EPHB1: variants seen among roughly 807,000 people sequenced by gnomAD.
The protein encoded by EPHB1 is ephrin type-B receptor 1.
A neutral mutation model predicts 94.4 loss-of-function variants in EPHB1; 30 were observed. The observed-to-expected ratio is 0.32, with a 90% CI of 0.24 to 0.43. EPHB1 has a LOEUF of 0.43. Ranked by LOEUF, EPHB1 falls within the 20% of genes least tolerant of loss-of-function variation. EPHB1 has a pLI of 1.00. For synonymous variants in EPHB1, 522 were observed against 489.1 expected, an observed-to-expected ratio of 1.07 and a Z score of -0.89; for missense variants, 1,055 against 1,308.3, an observed-to-expected ratio of 0.81 and a Z score of 2.99.
intron 4 of EPHB1, among the ~76,000 whole-genome samples, chr3:135,109,268 A>G (rs751153085): frequency 2.0e-5 from 3 of 152,214 alleles, no homozygotes; most frequent in East Asian, 1.9e-4. Flanking sequence ...GGGCTTTGGC[A>G]CTTCAGAGAC....
chr3:135,036,002 A>G (rs913867622), intron 3 of EPHB1, among the ~76,000 whole-genome samples: 1 of 152,162 alleles, frequency 6.6e-6, no homozygotes, highest in African/African-American at 2.4e-5. Flanking sequence ...TCATTTATCT[A>G]TCTCTCCATT....
chr3:135,220,990 T>C (rs922850021), intron 12 of EPHB1, among the ~76,000 whole-genome samples: 4 of 152,194 alleles, frequency 2.6e-5, no homozygotes, highest in Admixed American at 2.6e-4. Flanking sequence ...GCCCTGTCAT[T>C]TTGAAAACCT....
chr3:135,154,979 TA>T, intron 6 of EPHB1, among the ~76,000 whole-genome samples: 1 of 152,202 alleles, frequency 6.6e-6, no homozygotes. Context: ...CCCAACACAT[TA>T]TTTGTAAAAC....
chr3:134,828,484 G>T (rs1237819959), intron 1 of EPHB1, among the ~76,000 whole-genome samples: 3 of 152,172 alleles, frequency 2.0e-5, no homozygotes, highest in Admixed American at 2.0e-4. Context: ...AAAAATATGT[G>T]TTAATTCCTA....
intron 1 of EPHB1, among the ~76,000 whole-genome samples, chr3:134,891,381 A>T (rs2107685448): frequency 6.6e-6 from 1 of 152,354 alleles, no homozygotes; most frequent in East Asian, 1.9e-4. Flanking sequence ...AAGTGCTGGG[A>T]TTACAGGTGT....
chr3:134,857,060 C>T lies in EPHB1; in HGVS notation c.58+61371C>T, dbSNP rs1448734698. ...TTTGTTGTGGGAATTGAGACCTTCT[C>T]AGGCGACTGGGGTGGGGTGTCGTGG... On this transcript the variant is annotated intron_variant, in intron 1 of 15. Coordinates refer to ENST00000398015, the MANE Select transcript of EPHB1 (RefSeq NM_004441.5). Among the ~76,000 whole-genome samples, 6 of 152,336 alleles carry T rather than the reference C, an allele frequency of 3.9e-5. No homozygotes were observed. In the East Asian group the frequency reaches 1.2e-3, roughly 29 times the overall value.
intron 12 of EPHB1, among the ~76,000 whole-genome samples, chr3:135,203,797 G>A (rs537611541): frequency 6.6e-6 from 1 of 152,150 alleles, no homozygotes; most frequent in Non-Finnish European, 1.5e-5. Flanking sequence ...GTGATCTGGG[G>A]TGTCTTTTGG....
intron 1 of EPHB1, among the ~76,000 whole-genome samples, chr3:134,909,250 C>A (rs772978405): frequency 6.6e-6 from 1 of 152,194 alleles, no homozygotes; most frequent in African/African-American, 2.4e-5. Flanking sequence ...CTGTGGGGGG[C>A]CTTTCAGGAA....
At chr3:134,952,341 ATCTCTCTCTCT>A (rs1225306161) in intron 3 of EPHB1, among the ~76,000 whole-genome samples, 35 of 148,878 alleles carry the variant, frequency 2.4e-4, no homozygotes, top group Middle Eastern at 3.4e-3. Flanking sequence ...TGTTGAATTT[ATCTCTCTCTCT>A]TCTCTCTCTC....
intron 1 of EPHB1, among the ~76,000 whole-genome samples, chr3:134,903,002 G>A (rs2038234356): frequency 6.6e-6 from 1 of 152,198 alleles, no homozygotes; most frequent in African/African-American, 2.4e-5. Context: ...ATGGAGTTAG[G>A]GCACCCTGGC....
intron 1 of EPHB1, among the ~76,000 whole-genome samples, chr3:134,908,843 A>C (rs189804558): frequency 1.3e-5 from 2 of 152,242 alleles, no homozygotes; most frequent in African/African-American, 4.8e-5. Context: ...GGTCCTGCAC[A>C]TGGATTCTGC....
intron 1 of EPHB1, among the ~76,000 whole-genome samples, chr3:134,883,032 C>T (rs9681274): frequency 3.0e-4 from 45 of 152,078 alleles, no homozygotes; most frequent in African/African-American, 1.1e-3. Flanking sequence ...CCGTGTTAGC[C>T]AGGATGGTCT....
intron 12 of EPHB1, among the ~76,000 whole-genome samples, chr3:135,205,230 A>C (rs952794036): frequency 6.6e-6 from 1 of 152,150 alleles, no homozygotes; most frequent in South Asian, 2.1e-4. Context: ...ATCTTTTCAC[A>C]TGGTGCAGGG....
intron 2 of EPHB1, among the ~76,000 whole-genome samples, chr3:134,942,910 G>C (rs1265524340): frequency 1.3e-5 from 2 of 152,222 alleles, no homozygotes; most frequent in African/African-American, 4.8e-5. Context: ...AGTCACACAA[G>C]TGAAGCAATT....
At chr3:135,222,441 A>G (rs1243209188) in intron 12 of EPHB1, among the ~76,000 whole-genome samples, 1 of 152,156 alleles carries the variant, frequency 6.6e-6, no homozygotes, top group East Asian at 1.9e-4. Flanking sequence ...GATCTTTTCT[A>G]GGATATTTAT....
chr3:135,012,319 G>T (rs919287485), intron 3 of EPHB1, among the ~76,000 whole-genome samples: 1 of 152,164 alleles, frequency 6.6e-6, no homozygotes, highest in Admixed American at 6.5e-5. Flanking sequence ...GCAGTGGGCT[G>T]GTGTGTGCTC....
intron 1 of EPHB1, among the ~76,000 whole-genome samples, chr3:134,847,075 G>C (rs1363827153): frequency 1.3e-5 from 2 of 152,042 alleles, no homozygotes; most frequent in Non-Finnish European, 2.9e-5. Context: ...GGGGTCAGAG[G>C]GTATGCGCCA....
At chr3:135,167,559 T>A (rs1221183419) in intron 9 of EPHB1, among the ~76,000 whole-genome samples, 1 of 152,226 alleles carries the variant, frequency 6.6e-6, no homozygotes, top group Non-Finnish European at 1.5e-5. Context: ...AACCTATATT[T>A]ATAATATTTT....
chr3:134,804,558 TG>T (rs1037906546), intron 1 of EPHB1, among the ~76,000 whole-genome samples: 2 of 151,874 alleles, frequency 1.3e-5, no homozygotes, highest in Non-Finnish European at 2.9e-5. Context: ...TGGGTGTGTG[TG>T]GGGGGGAGGA....
Sources: gnomAD v4.1 joint callset for allele counts (sites outside exome capture counted in the v4.1 genomes callset) on GRCh38, gnomAD v4.1.1 for gene constraint, MANE v1.5 for transcripts, NCBI Gene and HGNC (gene_info 2026-07-23, HGNC 2026-07-21) for gene names.